The following MRPS23 variants were observed in gnomAD, a reference collection of about 807,000 sequenced individuals.
The protein encoded by MRPS23 is small ribosomal subunit protein mS23.
A neutral mutation model predicts 19.8 loss-of-function variants in MRPS23; 14 were observed. That is an observed-to-expected ratio of 0.71 (90% CI 0.47 to 1.11). The LOEUF (loss-of-function observed/expected upper bound fraction) is 1.11. MRPS23 is among the 50% of genes least tolerant of loss of function. The pLI is 0.00. For missense variants in MRPS23, 242 were observed against 236.7 expected, an observed-to-expected ratio of 1.02 and a Z score of -0.15; for synonymous variants, 113 against 89.7, an observed-to-expected ratio of 1.26 and a Z score of -1.47.
intron 2 of MRPS23, among the ~76,000 whole-genome samples, chr17:57,842,060 A>T (rs1026075746): frequency 6.6e-6 from 1 of 152,120 alleles, no homozygotes; most frequent in Non-Finnish European, 1.5e-5. Flanking sequence ...TCACCAACGC[A>T]GGTAGCAGTG....
chr17:57,840,378 C>T (rs1475846436), intron 4 of MRPS23, among the ~76,000 whole-genome samples: 1 of 124,246 alleles, frequency 8.0e-6, no homozygotes, highest in Non-Finnish European at 1.7e-5. Context: ...CAGAGCGAGA[C>T]TCCGTCTCAA....
chr17:57,840,777 G>T, intron 4 of MRPS23, 149 bp downstream of exon 4: 1 of 894,270 alleles, frequency 1.1e-6, no homozygotes, highest in Non-Finnish European at 1.7e-6. Flanking sequence ...GAGGATATGT[G>T]TAGGTTATAT....
At chr17:57,848,323 G>C (rs1202897019) in intron 2 of MRPS23, among the ~76,000 whole-genome samples, 1 of 146,268 alleles carries the variant, frequency 6.8e-6, no homozygotes, top group Non-Finnish European at 1.5e-5. Context: ...CTGAGCTTAA[G>C]AAAAAGAAAA....
chr17:57,849,425 A>G lies in MRPS23; in HGVS notation c.45-15T>C, dbSNP rs1470057757. The G allele has an allele frequency of 6.2e-7, 1 of 1,612,088 alleles. No individual in the cohort carries two copies. The highest frequency in any genetic ancestry group is 1.7e-5 in the Admixed American group (1 of 59,836). ...GGTCCCGAGTCCTTAGGGAGGGAAC[A>G]GAACGAAACTGGGTCACTTGCAGTA... On this transcript the variant is annotated splice_polypyrimidine_tract_variant and intron_variant, in intron 1 of 4. Transcript: ENST00000313608.
rs2073708203 is a variant in MRPS23, at chr17:57,836,690, T to C, written c.*3093A>G. ...GATTTTAAGATTTTTTTTTTTTTTT[T>C]TTTGAGACAGGGTCTTGCTCTGTCG... is the stretch of plus-strand genomic sequence containing the variant. On this transcript the variant is annotated 3_prime_UTR_variant, in exon 5 of 5. Coordinates refer to ENST00000313608, the MANE Select transcript of MRPS23 (RefSeq NM_016070.4). The C allele has an allele frequency of 6.6e-6, 1 of 152,116 alleles. No homozygotes were observed. The allele number at this position is 152,116 out of a possible 1,614,324, so 9.4% of individuals were successfully genotyped here.
Position 57,839,660 on chromosome 17 carries a change from G to C in MRPS23, c.*123C>G. 1 of 1,233,736 alleles carries C rather than the reference G, an allele frequency of 8.1e-7. No homozygotes were observed. The highest frequency in any genetic ancestry group is 1.1e-6 in the Non-Finnish European group (1 of 911,308). The allele number at this position is 1,233,736 out of a possible 1,614,324, so 76.4% of individuals were successfully genotyped here. A position where few individuals can be genotyped will look rare whatever the true frequency, so the allele number is the denominator to read the frequency against. On this transcript the variant is annotated 3_prime_UTR_variant, in exon 5 of 5. Coordinates refer to ENST00000313608, the MANE Select transcript of MRPS23 (RefSeq NM_016070.4). Reference sequence around the variant, plus strand: ...TTTGTGACAACCCAGAAATAACTAAGAGAAGGCAAACATAATACCTTAGAG... The same window carrying C: ...TTTGTGACAACCCAGAAATAACTAACAGAAGGCAAACATAATACCTTAGAG...
At position 57,839,807 on chromosome 17, in the gene MRPS23, C is replaced by A. The variant is rs781383231; in HGVS notation, c.549G>T (p.Gln183His). 1.2e-6 allele frequency: 2 copies of A among 1,614,150 alleles called. No individual in the cohort carries two copies. Among genetic ancestry groups the A allele is most frequent in the South Asian group, 1.1e-5 (1 of 91,082 alleles). Residue 183 changes from glutamine (Q) to histidine (H), a missense_variant, in exon 5 of 5, where the codon CAG becomes CAT. Coordinates refer to ENST00000313608, the MANE Select transcript of MRPS23 (RefSeq NM_016070.4). The stretch of plus-strand genomic sequence containing the variant: ...TTCAGGGAGGCAAGAGACCTTTCGA[C>A]TGGTCTGCAGGTGCCTCCAAATGCT... ...QDQHLEAPAD[Q>H]SKGLLPP
chr17:57,848,519 C>T (rs968889771), intron 2 of MRPS23, among the ~76,000 whole-genome samples: 2 of 151,690 alleles, frequency 1.3e-5, no homozygotes, highest in Non-Finnish European at 2.9e-5. Flanking sequence ...GGACTACAAG[C>T]ACCCACCACC....
intron 2 of MRPS23, among the ~76,000 whole-genome samples, chr17:57,844,302 A>G (rs1163299376): frequency 6.6e-6 from 1 of 151,226 alleles, no homozygotes; most frequent in Non-Finnish European, 1.5e-5. Context: ...ACCACTCTAT[A>G]AGCTTTTTTA....
At chr17:57,849,045 G>A in intron 2 of MRPS23, 195 bp downstream of exon 2, 1 of 647,562 alleles carries the variant, frequency 1.5e-6, no homozygotes. Flanking sequence ...TTCGGTTGCT[G>A]GGCTCCAGAT....
chr17:57,850,014 C>A lies in MRPS23; in HGVS notation c.-4G>T. The A allele has an allele frequency of 6.3e-7, 1 of 1,592,818 alleles. No individual in the cohort carries two copies. Among genetic ancestry groups the A allele is most frequent in the East Asian group, 2.3e-5 (1 of 43,636 alleles). ...TTTCCAGCCGGCTGCCTGCCATGAT[C>A]TGCGCCTGGTACCGAGCGTGACTAG... On this transcript the variant is annotated 5_prime_UTR_variant, in exon 1 of 5. Coordinates refer to ENST00000313608, the MANE Select transcript of MRPS23 (RefSeq NM_016070.4).
intron 2 of MRPS23, chr17:57,849,013 G>A: frequency 1.8e-6 from 1 of 558,860 alleles, no homozygotes; most frequent in Non-Finnish European, 3.1e-6. Context: ...CCAGAAACAT[G>A]CGGCTATAAT....
chr17:57,848,078 G>A (rs560265433), intron 2 of MRPS23, among the ~76,000 whole-genome samples: 1 of 152,172 alleles, frequency 6.6e-6, no homozygotes, highest in East Asian at 1.9e-4. Context: ...TAATCAGAGT[G>A]TAAACTAAGA....
At chr17:57,849,441 A>C in intron 1 of MRPS23, 31 bp from the exon 2 acceptor site, 1 of 1,607,528 alleles carries the variant, frequency 6.2e-7, no homozygotes, top group South Asian at 1.1e-5. Context: ...AAACTGGGTC[A>C]CTTGCAGTAG....
Position 57,839,677 on chromosome 17 carries a change from A to G in MRPS23, c.*106T>C. On this transcript the variant is annotated 3_prime_UTR_variant, in exon 5 of 5. Transcript: ENST00000313608. ...ATAACTAAGAGAAGGCAAACATAAT[A>G]CCTTAGAGATCAAGAAACATTTACA... The G allele has an allele frequency of 7.3e-7, 1 of 1,378,432 alleles. No homozygotes were observed. The allele number at this position is 1,378,432 out of a possible 1,614,324, so 85.4% of individuals were successfully genotyped here.
chr17:57,847,738 C>A lies in MRPS23; in HGVS notation c.215+1502G>T, dbSNP rs191179870. 1.6e-3 allele frequency among the ~76,000 whole-genome samples: 244 copies of A among 151,036 alleles called. 1 individual carries two copies. The highest frequency in any genetic ancestry group is 0.01 in the Middle Eastern group (3 of 292). On this transcript the variant is annotated intron_variant, in intron 2 of 4. Transcript: ENST00000313608. ...TGGAGACAGGGTCTCCCTCTGTTGC[C>A]CAGGCTGGAGTGCAGTGGTGCACTC...
chr17:57,847,089 G>GT (rs2073781323), intron 2 of MRPS23, among the ~76,000 whole-genome samples: 1 of 151,540 alleles, frequency 6.6e-6, no homozygotes, highest in South Asian at 2.1e-4. Flanking sequence ...GAGGTCAGGA[G>GT]TTTGAGACCA....
intron 2 of MRPS23, among the ~76,000 whole-genome samples, chr17:57,847,662 G>GGA (rs2073785186): frequency 7.8e-6 from 1 of 127,962 alleles, no homozygotes; most frequent in Non-Finnish European, 1.6e-5. Context: ...ACTCCATCTC[G>GGA]AAAAAAAAAA....
chr17:57,840,437 G>A lies in MRPS23; in HGVS notation c.420+489C>T, dbSNP rs117380053. ...ACCAAATTTCAAAAGCCCTAATGAC[G>A]ACTCACTTGTTTCAAGTAGCAGTCA... is the stretch of plus-strand genomic sequence containing the variant. On this transcript the variant is annotated intron_variant, in intron 4 of 4. Coordinates refer to ENST00000313608, the MANE Select transcript of MRPS23 (RefSeq NM_016070.4). Among the ~76,000 whole-genome samples, 74 of 151,200 alleles carry A rather than the reference G, an allele frequency of 4.9e-4. 1 individual carries two copies. In the East Asian group the frequency reaches 0.013, roughly 27 times the overall value.
Sources: allele counts gnomAD v4.1 joint callset (sites outside exome capture counted in the v4.1 genomes callset), GRCh38; gene constraint gnomAD v4.1.1; transcripts MANE v1.5; gene names NCBI Gene and HGNC (gene_info 2026-07-23, HGNC 2026-07-21).